Variants in SNTG1 observed in about 807,000 individuals in gnomAD.
The protein encoded by SNTG1 is syntrophin gamma 1.
Under a neutral mutation model 74.7 loss-of-function variants are expected in SNTG1, and 39 were observed. That is an observed-to-expected ratio of 0.52 (90% CI 0.40 to 0.68). SNTG1 has a LOEUF of 0.68. SNTG1 is among the 30% of genes least tolerant of loss of function. The pLI is 0.00. For synonymous variants in SNTG1, 254 were observed against 217.1 expected (o/e 1.17, Z -1.49); for missense variants, 685 against 609.5 (o/e 1.12, Z -1.30).
At chr8:50,043,860 T>A (rs1818850897) in intron 1 of SNTG1, among the ~76,000 whole-genome samples, 1 of 152,168 alleles carries the variant, frequency 6.6e-6, no homozygotes, top group Non-Finnish European at 1.5e-5. Context: ...AACTGCCACC[T>A]GAGGAAAATG....
intron 1 of SNTG1, among the ~76,000 whole-genome samples, chr8:49,970,704 C>T (rs773926951): frequency 5.3e-5 from 8 of 152,170 alleles, no homozygotes; most frequent in African/African-American, 1.2e-4. Flanking sequence ...AACATTCTGT[C>T]GTCCTAAATT....
intron 1 of SNTG1, among the ~76,000 whole-genome samples, chr8:50,087,228 G>A (rs1209473734): frequency 6.6e-6 from 1 of 152,110 alleles, no homozygotes; most frequent in Non-Finnish European, 1.5e-5. Flanking sequence ...TCTTCTTTTA[G>A]AGATATAATA....
At chr8:50,047,628 C>G (rs1819208907) in intron 1 of SNTG1, among the ~76,000 whole-genome samples, 2 of 152,162 alleles carry the variant, frequency 1.3e-5, no homozygotes, top group Non-Finnish European at 2.9e-5. Flanking sequence ...AGTTGTAAGA[C>G]TTAAACAAAA....
At chr8:50,685,864 C>G (rs1360331300) in intron 15 of SNTG1, among the ~76,000 whole-genome samples, 1 of 152,026 alleles carries the variant, frequency 6.6e-6, no homozygotes, top group African/African-American at 2.4e-5. Context: ...ATACTGTTAG[C>G]TAATTGTGTT....
At chr8:50,044,255 A>G (rs1319440433) in intron 1 of SNTG1, among the ~76,000 whole-genome samples, 1 of 152,212 alleles carries the variant, frequency 6.6e-6, no homozygotes, top group Non-Finnish European at 1.5e-5. Flanking sequence ...CTAAGTTGCC[A>G]TCACATTTTT....
intron 2 of SNTG1, among the ~76,000 whole-genome samples, chr8:50,266,626 G>T (rs1229567102): frequency 6.8e-6 from 1 of 146,994 alleles, no homozygotes; most frequent in East Asian, 2.0e-4. Flanking sequence ...TACCACAACA[G>T]AAGTGAAAGA....
At chr8:50,574,482 C>A (rs969508712) in intron 12 of SNTG1, among the ~76,000 whole-genome samples, 1 of 151,972 alleles carries the variant, frequency 6.6e-6, no homozygotes, top group South Asian at 2.1e-4. Context: ...CATGTAGCAA[C>A]AATAATGGCT....
intron 1 of SNTG1, among the ~76,000 whole-genome samples, chr8:49,999,761 G>C (rs950086833): frequency 1.3e-5 from 2 of 152,152 alleles, no homozygotes; most frequent in South Asian, 4.1e-4. Context: ...CACCGAGCCA[G>C]TGCTTCCTGT....
At chr8:49,976,041 G>T (rs921825033) in intron 1 of SNTG1, among the ~76,000 whole-genome samples, 6 of 152,056 alleles carry the variant, frequency 3.9e-5, no homozygotes, top group African/African-American at 1.2e-4. Flanking sequence ...GATAGAGAAA[G>T]AATTGGAAAG....
At chr8:50,384,346 T>C (rs1039122848) in intron 2 of SNTG1, among the ~76,000 whole-genome samples, 1 of 152,206 alleles carries the variant, frequency 6.6e-6, no homozygotes. Flanking sequence ...AGAAATGGTG[T>C]ATGGAATATG....
intron 2 of SNTG1, among the ~76,000 whole-genome samples, chr8:50,206,956 G>C (rs1249293590): frequency 2.0e-5 from 3 of 152,136 alleles, no homozygotes; most frequent in African/African-American, 7.2e-5. Flanking sequence ...CGTGCTGCTG[G>C]TTTTGGTTTG....
At chr8:50,685,249 A>T (rs1372606067) in intron 15 of SNTG1, among the ~76,000 whole-genome samples, 6 of 152,158 alleles carry the variant, frequency 3.9e-5, no homozygotes, top group Non-Finnish European at 7.3e-5. Flanking sequence ...TGGTTAATGT[A>T]TTTGTTTCTG....
intron 11 of SNTG1, among the ~76,000 whole-genome samples, 173 bp downstream of exon 11, chr8:50,536,981 A>G (rs1254230456): frequency 3.3e-5 from 5 of 152,378 alleles, no homozygotes; most frequent in South Asian, 2.1e-4. Context: ...TCTGATGACA[A>G]AACCACAAGT....
At chr8:49,957,020 CT>C (rs1240965486) in intron 1 of SNTG1, among the ~76,000 whole-genome samples, 1 of 152,154 alleles carries the variant, frequency 6.6e-6, no homozygotes, top group Non-Finnish European at 1.5e-5. Flanking sequence ...AATGGAGGGA[CT>C]TTGGTTAAAG....
intron 18 of SNTG1, chr8:50,762,563 G>A: frequency 2.7e-6 from 1 of 372,696 alleles, no homozygotes; most frequent in South Asian, 2.4e-5. Flanking sequence ...GATCATTTTT[G>A]TTCCAAGGAT....
chr8:50,416,560 A>G (rs2093016269), intron 4 of SNTG1, among the ~76,000 whole-genome samples: 1 of 152,134 alleles, frequency 6.6e-6, no homozygotes, highest in South Asian at 2.1e-4. Context: ...CAGATTAGCT[A>G]AATATTGGAA....
intron 9 of SNTG1, among the ~76,000 whole-genome samples, chr8:50,528,679 A>G (rs1268991059): frequency 6.6e-6 from 1 of 151,334 alleles, no homozygotes; most frequent in African/African-American, 2.4e-5. Context: ...CTAAGTTGTC[A>G]ATTTCTTTCA....
intron 1 of SNTG1, among the ~76,000 whole-genome samples, chr8:50,117,804 T>C (rs1442434993): frequency 6.6e-6 from 1 of 152,114 alleles, no homozygotes; most frequent in Non-Finnish European, 1.5e-5. Flanking sequence ...AGCCAACATT[T>C]CCTCTATTCA....
intron 17 of SNTG1, among the ~76,000 whole-genome samples, chr8:50,721,279 T>C (rs2095486968): frequency 6.6e-6 from 1 of 152,222 alleles, no homozygotes; most frequent in South Asian, 2.1e-4. Context: ...GTACCTGTAT[T>C]GTAAGTGTCA....
Sources: gnomAD v4.1 joint callset for allele counts (sites outside exome capture counted in the v4.1 genomes callset) on GRCh38, gnomAD v4.1.1 for gene constraint, MANE v1.5 for transcripts, NCBI Gene and HGNC (gene_info 2026-07-23, HGNC 2026-07-21) for gene names.